Variants in GALNT13 observed in about 807,000 individuals in gnomAD.
The protein encoded by GALNT13 is polypeptide N-acetylgalactosaminyltransferase 13.
A neutral mutation model predicts 64.2 loss-of-function variants in GALNT13; 28 were observed. That is an observed-to-expected ratio of 0.44 (90% CI 0.32 to 0.60). The LOEUF (loss-of-function observed/expected upper bound fraction) is 0.60, where lower values mean the gene tolerates loss of function less well. Ranked by LOEUF, GALNT13 falls within the 20% of genes least tolerant of loss-of-function variation. The probability of loss-of-function intolerance (pLI) is 0.05; values close to 1 mark genes in which losing one functional copy is unlikely to be tolerated. For missense variants in GALNT13, 577 were observed against 669.8 expected (o/e 0.86, Z 1.53); for synonymous variants, 214 against 224.6 (o/e 0.95, Z 0.42).
At chr2:153,142,845 A>G in the GALNT13 span, among the ~76,000 whole-genome samples, 619 of 152,040 alleles carry the variant, frequency 4.1e-3, 6 homozygotes, top group African/African-American at 0.014. Flanking sequence ...GGTAGGTGGG[A>G]GGTATTCTAG....
At chr2:153,538,904 C>A in the GALNT13 span, among the ~76,000 whole-genome samples, 1 of 57,244 alleles carries the variant, frequency 1.7e-5, no homozygotes, top group African/African-American at 9.8e-5. Context: ...TGGGTATATA[C>A]CCAGTAATGG....
At chr2:153,664,517 G>T in the GALNT13 span, among the ~76,000 whole-genome samples, 1 of 152,020 alleles carries the variant, frequency 6.6e-6, no homozygotes, top group African/African-American at 2.4e-5. Context: ...TCATCACAAG[G>T]TCCTGGGGCA....
At chr2:154,288,079 A>C (rs1267769031) in intron 8 of GALNT13, among the ~76,000 whole-genome samples, 1 of 152,172 alleles carries the variant, frequency 6.6e-6, no homozygotes, top group Non-Finnish European at 1.5e-5. Context: ...TAATTGACTC[A>C]CAGTTCCACA....
chr2:154,421,950 T>G (rs16837281), intron 11 of GALNT13, among the ~76,000 whole-genome samples: 3,721 of 152,026 alleles, frequency 0.024, 142 homozygotes, highest in African/African-American at 0.085. Flanking sequence ...CAGGAGGCAT[T>G]CAGGAAAAGT....
At chr2:153,333,548 A>C in the GALNT13 span, among the ~76,000 whole-genome samples, 1 of 152,138 alleles carries the variant, frequency 6.6e-6, no homozygotes, top group East Asian at 1.9e-4. Flanking sequence ...TGGTTGAGGC[A>C]GGCTAAAAGC....
chr2:153,623,164 G>C, the GALNT13 span, among the ~76,000 whole-genome samples: 2 of 152,032 alleles, frequency 1.3e-5, no homozygotes, highest in African/African-American at 4.8e-5. Flanking sequence ...ATATGAGTGA[G>C]TGGTTTATAA....
the GALNT13 span, among the ~76,000 whole-genome samples, chr2:153,215,003 T>C: frequency 6.6e-6 from 1 of 152,136 alleles, no homozygotes; most frequent in Non-Finnish European, 1.5e-5. Flanking sequence ...TCCCCTTGAA[T>C]CTTTCTTAGA....
At chr2:153,411,181 T>A in the GALNT13 span, among the ~76,000 whole-genome samples, 4,288 of 91,250 alleles carry the variant, frequency 0.047, 188 homozygotes, top group African/African-American at 0.15. Context: ...ATATATATAT[T>A]TTTTTTTTTT....
At chr2:153,248,561 C>T in the GALNT13 span, among the ~76,000 whole-genome samples, 3 of 151,822 alleles carry the variant, frequency 2.0e-5, no homozygotes, top group East Asian at 3.9e-4. Flanking sequence ...AGCCTGTAAT[C>T]CCAGCACTTT....
intron 2 of GALNT13, among the ~76,000 whole-genome samples, chr2:153,933,724 T>C (rs920011614): frequency 2.0e-4 from 30 of 152,150 alleles, no homozygotes; most frequent in African/African-American, 6.8e-4. Context: ...TTTGTTTTTT[T>C]GGTGGCCAGT....
chr2:154,140,114 T>C (rs1227995358), intron 3 of GALNT13, among the ~76,000 whole-genome samples: 1 of 152,118 alleles, frequency 6.6e-6, no homozygotes, highest in Non-Finnish European at 1.5e-5. Context: ...TGTCTTAATG[T>C]TTAGTCATCA....
intron 9 of GALNT13, among the ~76,000 whole-genome samples, chr2:154,349,013 C>T (rs1696234741): frequency 1.3e-5 from 2 of 152,160 alleles, no homozygotes; most frequent in Non-Finnish European, 2.9e-5. Flanking sequence ...CACTAAACTA[C>T]CTTAAATACC....
chr2:154,080,398 G>T (rs1375830220), intron 3 of GALNT13, among the ~76,000 whole-genome samples: 2 of 151,596 alleles, frequency 1.3e-5, no homozygotes, highest in Non-Finnish European at 3.0e-5. Context: ...ATTTAATGAA[G>T]TAAATAAAGG....
the GALNT13 span, among the ~76,000 whole-genome samples, chr2:153,611,041 G>A: frequency 6.6e-6 from 1 of 152,140 alleles, no homozygotes; most frequent in Non-Finnish European, 1.5e-5. Flanking sequence ...ATATAGTCAT[G>A]ATAAAGATCA....
At chr2:153,832,457 G>A in the GALNT13 span, among the ~76,000 whole-genome samples, 2 of 152,228 alleles carry the variant, frequency 1.3e-5, no homozygotes, top group African/African-American at 4.8e-5. Context: ...AATTAGGTAT[G>A]TAGTTGTAAA....
At chr2:153,233,885 C>T in the GALNT13 span, among the ~76,000 whole-genome samples, 2 of 151,964 alleles carry the variant, frequency 1.3e-5, no homozygotes, top group Admixed American at 6.6e-5. Context: ...CATTAACTGC[C>T]ACATTATATT....
chr2:153,899,543 G>A (rs1467447070), intron 1 of GALNT13, among the ~76,000 whole-genome samples: 3 of 152,068 alleles, frequency 2.0e-5, no homozygotes, highest in African/African-American at 7.2e-5. Flanking sequence ...CTGTTTGAGA[G>A]GTTCTGTGTG....
the GALNT13 span, among the ~76,000 whole-genome samples, chr2:153,372,346 G>A: frequency 7.3e-6 from 1 of 136,880 alleles, no homozygotes; most frequent in South Asian, 2.2e-4. Flanking sequence ...TAAACATATA[G>A]CTGTCAAGAA....
chr2:154,390,365 ACT>A (rs1374788071), intron 9 of GALNT13, among the ~76,000 whole-genome samples: 1 of 151,800 alleles, frequency 6.6e-6, no homozygotes, highest in Non-Finnish European at 1.5e-5. Flanking sequence ...TTTTCCTGAT[ACT>A]CTTTCTCCTC....
Sources: gnomAD v4.1 joint callset for allele counts (sites outside exome capture counted in the v4.1 genomes callset) on GRCh38, gnomAD v4.1.1 for gene constraint, MANE v1.5 for transcripts, NCBI Gene and HGNC (gene_info 2026-07-23, HGNC 2026-07-21) for gene names.